The following SLC8A3 variants were observed in gnomAD, a reference collection of about 807,000 sequenced individuals.
The protein encoded by SLC8A3 is sodium/calcium exchanger 3.
In SLC8A3, 37 loss-of-function variants were observed where a neutral mutation model predicts 65.4. The observed-to-expected ratio is 0.57, with a 90% confidence interval of 0.44 to 0.74. The LOEUF (loss-of-function observed/expected upper bound fraction) is 0.74, where lower values mean the gene tolerates loss of function less well. SLC8A3 is among the 30% of genes least tolerant of loss of function. SLC8A3 has a pLI of 0.00. For synonymous variants in SLC8A3, 461 were observed against 444.5 expected, an observed-to-expected ratio of 1.04 and a Z score of -0.47; for missense variants, 1,112 against 1,172.1, an observed-to-expected ratio of 0.95 and a Z score of 0.75.
intron 2 of SLC8A3, among the ~76,000 whole-genome samples, chr14:70,109,203 T>C (rs1271467102): frequency 2.0e-5 from 3 of 150,054 alleles, no homozygotes; most frequent in Non-Finnish European, 4.4e-5. Flanking sequence ...GTTCTTTTTT[T>C]TTTTTTTCAC....
intron 2 of SLC8A3, among the ~76,000 whole-genome samples, chr14:70,109,055 T>G (rs1390201431): frequency 6.6e-6 from 1 of 152,156 alleles, no homozygotes. Context: ...GTGTAGCACT[T>G]TTCACAAATT....
At chr14:70,052,663 T>G (rs1181874032) in intron 3 of SLC8A3, among the ~76,000 whole-genome samples, 1 of 152,228 alleles carries the variant, frequency 6.6e-6, no homozygotes, top group Non-Finnish European at 1.5e-5. Flanking sequence ...CACTTCTCCA[T>G]GAAGACATGT....
chr14:70,152,265 C>T (rs980719453), intron 2 of SLC8A3, among the ~76,000 whole-genome samples: 3 of 152,094 alleles, frequency 2.0e-5, no homozygotes, highest in Admixed American at 6.5e-5. Context: ...GCAACTTCCC[C>T]CAAAACTCAG....
At chr14:70,179,581 A>G (rs1341527641) in intron 1 of SLC8A3, among the ~76,000 whole-genome samples, 1 of 152,210 alleles carries the variant, frequency 6.6e-6, no homozygotes. Flanking sequence ...CTCAGAGTTC[A>G]GAGAGTTTTG....
At chr14:70,187,574 G>A (rs1361632726) in intron 1 of SLC8A3, among the ~76,000 whole-genome samples, 1 of 151,098 alleles carries the variant, frequency 6.6e-6, no homozygotes, top group Non-Finnish European at 1.5e-5. Flanking sequence ...GAGCAGCAGC[G>A]CTAGCCTCTG....
intron 5 of SLC8A3, among the ~76,000 whole-genome samples, chr14:70,050,802 A>G (rs916679973): frequency 2.0e-5 from 3 of 152,240 alleles, no homozygotes; most frequent in Non-Finnish European, 2.9e-5. Flanking sequence ...TCCAGTTCAC[A>G]CAGCAGAACA....
At position 70,046,841 on chromosome 14, in the gene SLC8A3, G is replaced by A. The variant is rs901922060; in HGVS notation, c.2390-518C>T. 6.4e-6 allele frequency: 1 copy of A among 155,472 alleles called. No individual in the cohort carries two copies. The highest frequency in any genetic ancestry group is 6.2e-5 in the Admixed American group (1 of 16,142). The allele number at this position is 155,472 out of a possible 1,614,324, so 9.6% of individuals were successfully genotyped here. ...GAACCATGATGGGGACATGCAGGGTGAACTGTGGACTCAAGGAAGACGGGG... is the reference window on the plus strand; with the variant it reads ...GAACCATGATGGGGACATGCAGGGTAAACTGTGGACTCAAGGAAGACGGGG... On this transcript the variant is annotated intron_variant, in intron 6 of 6. Coordinates refer to ENST00000356921, the MANE Select transcript of SLC8A3 (RefSeq NM_182932.3). The surrounding 1 kb of genome is among the most constrained non-coding windows in gnomAD (Gnocchi z 4.2).
chr14:70,091,278 C>T (rs1037300210), intron 2 of SLC8A3, among the ~76,000 whole-genome samples: 3 of 152,262 alleles, frequency 2.0e-5, no homozygotes, highest in East Asian at 3.9e-4. Flanking sequence ...GAAACCAACA[C>T]AAAATAGCTC....
Position 70,152,262 on chromosome 14 carries a change from C to T in SLC8A3, c.1784+14377G>A, listed in dbSNP as rs115782080. ...GTCATGCAGAGAATTAAGGCAACTT[C>T]CCCCAAAACTCAGAAAGAGCAGGCA... is the stretch of plus-strand genomic sequence containing the variant. On this transcript the variant is annotated intron_variant, in intron 2 of 6. Coordinates refer to ENST00000356921, the MANE Select transcript of SLC8A3 (RefSeq NM_182932.3). 3.7e-3 allele frequency among the ~76,000 whole-genome samples: 566 copies of T among 152,218 alleles called. 3 individuals are homozygous for T. Among genetic ancestry groups the T allele is most frequent in the African/African-American group, 0.012 (516 of 41,542 alleles).
At chr14:70,091,560 T>C (rs1054208168) in intron 2 of SLC8A3, among the ~76,000 whole-genome samples, 2 of 152,212 alleles carry the variant, frequency 1.3e-5, no homozygotes, top group Admixed American at 1.3e-4. Context: ...CAATGTCTAC[T>C]ATTGATCTCA....
At chr14:70,055,816 G>A in intron 3 of SLC8A3, 1 of 1,610,350 alleles carries the variant, frequency 6.2e-7, no homozygotes, top group East Asian at 2.2e-5. Flanking sequence ...CAGGAGCGCT[G>A]TTTGCAAATG....
chr14:70,046,315 C>A lies in SLC8A3; in HGVS notation c.2398G>T (p.Ala800Ser). Reference sequence around the variant, plus strand: ...TCCTGGAGGGCAGCAGCTTTGCTGGCAAACGTATCTGGAAAAGGACAAAGA... The same window carrying A: ...TCCTGGAGGGCAGCAGCTTTGCTGGAAAACGTATCTGGAAAAGGACAAAGA... ...AFGTSVPDTF[A>S]SKAAALQDVY... The change falls in exon 7 of 7, where the codon GCC becomes TCC. Residue 800 changes from alanine (A) to serine (S), a missense_variant. Physicochemically the swap from Ala to Ser is moderately conservative, Grantham distance 99 (BLOSUM62 1). Transcript: ENST00000356921. The surrounding 1 kb of genome is among the most constrained non-coding windows in gnomAD (Gnocchi z 4.2). The A allele has an allele frequency of 6.2e-7, 1 of 1,604,084 alleles. No individual in the cohort carries two copies. Among genetic ancestry groups the A allele is most frequent in the South Asian group, 1.1e-5 (1 of 89,818 alleles).
chr14:70,151,113 G>T (rs61978176), intron 2 of SLC8A3, among the ~76,000 whole-genome samples: 6,373 of 152,178 alleles, frequency 0.042, 186 homozygotes, highest in Middle Eastern at 0.068. Flanking sequence ...AATTGGCCAG[G>T]CATGGTGGCA....
At chr14:70,160,306 G>A (rs181182712) in intron 2 of SLC8A3, among the ~76,000 whole-genome samples, 56 of 152,234 alleles carry the variant, frequency 3.7e-4, no homozygotes, top group Admixed American at 2.7e-3. Flanking sequence ...GTAGCCAGGC[G>A]TGGTGACATG....
At chr14:70,160,559 A>G (rs1240621019) in intron 2 of SLC8A3, among the ~76,000 whole-genome samples, 3 of 152,164 alleles carry the variant, frequency 2.0e-5, no homozygotes, top group Non-Finnish European at 2.9e-5. Flanking sequence ...TCTGGAATCA[A>G]TCTCTTGTGG....
chr14:70,089,578 T>A (rs1891677660), intron 2 of SLC8A3, among the ~76,000 whole-genome samples: 1 of 152,116 alleles, frequency 6.6e-6, no homozygotes, highest in African/African-American at 2.4e-5. Flanking sequence ...CACTTTCAAG[T>A]TGGGCATGCT....
At chr14:70,178,520 G>A (rs150024493) in intron 1 of SLC8A3, among the ~76,000 whole-genome samples, 1 of 152,170 alleles carries the variant, frequency 6.6e-6, no homozygotes, top group African/African-American at 2.4e-5. Flanking sequence ...TGAACCCATG[G>A]AACATATTGC....
chr14:70,144,334 A>ATTTTT (rs1174670294), intron 2 of SLC8A3, among the ~76,000 whole-genome samples: 8 of 129,786 alleles, frequency 6.2e-5, no homozygotes, highest in Non-Finnish European at 1.2e-4. Context: ...TTTTTTTTAA[A>ATTTTT]AAAAAAAAAA....
chr14:70,135,117 T>C (rs1895099773), intron 2 of SLC8A3, among the ~76,000 whole-genome samples: 1 of 152,060 alleles, frequency 6.6e-6, no homozygotes. Flanking sequence ...GACATATAAA[T>C]GGCCAACAGG....
Sources: gnomAD v4.1 joint callset for allele counts (sites outside exome capture counted in the v4.1 genomes callset) on GRCh38, gnomAD v4.1.1 for gene constraint, Gnocchi (gnomAD v3.1) non-coding constraint, MANE v1.5 for transcripts, NCBI Gene and HGNC (gene_info 2026-07-23, HGNC 2026-07-21) for gene names.